Variants in JMJD1C observed in about 807,000 individuals in gnomAD.
The protein encoded by JMJD1C is jumonji domain-containing protein 1C.
JMJD1C carries 31 observed loss-of-function variants against 245.3 expected under a neutral mutation model. The ratio of observed to expected loss-of-function variants is 0.13; its 90% CI spans 0.09 to 0.17. The LOEUF (loss-of-function observed/expected upper bound fraction) is 0.17, where lower values mean the gene tolerates loss of function less well. Among genes scored for constraint, JMJD1C ranks in the 10% least tolerant of loss-of-function variants. The pLI is 1.00. For missense variants in JMJD1C, 2,691 were observed against 3,000.2 expected (o/e 0.90, Z 2.41); for synonymous variants, 1,057 against 1,017.4 (o/e 1.04, Z -0.74).
At chr10:63,459,135 G>A (rs1952615883) in intron 1 of JMJD1C, among the ~76,000 whole-genome samples, 1 of 152,138 alleles carries the variant, frequency 6.6e-6, no homozygotes, top group Non-Finnish European at 1.5e-5. Context: ...ATCTCTGAAG[G>A]ATTTAGAACA....
intron 1 of JMJD1C, among the ~76,000 whole-genome samples, chr10:63,423,536 CT>C (rs1171161501): frequency 1.3e-5 from 2 of 152,212 alleles, no homozygotes; most frequent in East Asian, 3.8e-4. Flanking sequence ...AGCCACCTCA[CT>C]TTATTTATCA....
At chr10:63,425,712 G>A (rs1405162381) in intron 1 of JMJD1C, among the ~76,000 whole-genome samples, 2 of 152,164 alleles carry the variant, frequency 1.3e-5, no homozygotes, top group Non-Finnish European at 2.9e-5. Flanking sequence ...GGCCCAGGAG[G>A]AGAAGGTGGC....
Position 63,420,759 on chromosome 10 carries a change from G to A in JMJD1C, c.169-40277C>T, listed in dbSNP as rs542117463. On this transcript the variant is annotated intron_variant, in intron 1 of 25. Coordinates refer to ENST00000399262, the MANE Select transcript of JMJD1C (RefSeq NM_032776.3). The stretch of plus-strand genomic sequence containing the variant: ...AAGGAGGCTGGGAAAGAAAGAATTA[G>A]TTAAGAACACCTGACAAAATTAGAA... 9.0e-5 allele frequency among the ~76,000 whole-genome samples: 13 copies of A among 144,438 alleles called. No individual in the cohort carries two copies. The South Asian group carries it at 1.1e-3, about 12-fold the overall frequency. The allele number at this position is 144,438 out of a possible 152,430, so 94.8% of individuals were successfully genotyped here. A position where few individuals can be genotyped will look rare whatever the true frequency, so the allele number is the denominator to read the frequency against.
At chr10:63,277,727 A>ATTTTTTTTTTTTTTT (rs1389505532) in intron 2 of JMJD1C, among the ~76,000 whole-genome samples, 6 of 83,166 alleles carry the variant, frequency 7.2e-5, no homozygotes, top group African/African-American at 3.2e-4. Flanking sequence ...AGTAATTTGC[A>ATTTTTTTTTTTTTTT]TTTCTTTTTT....
intron 22 of JMJD1C, 117 bp from the exon 23 acceptor site, chr10:63,177,973 T>C (rs1843011375): frequency 9.2e-7 from 1 of 1,086,172 alleles, no homozygotes; most frequent in Admixed American, 2.8e-5. Flanking sequence ...CTTTTTCTTT[T>C]TTGGTCACCC....
chr10:63,331,717 A>G (rs574114031), intron 2 of JMJD1C, among the ~76,000 whole-genome samples: 7 of 152,300 alleles, frequency 4.6e-5, no homozygotes, highest in African/African-American at 1.7e-4. Context: ...GGTTCAAGTG[A>G]TTCTCATGCC....
intron 1 of JMJD1C, among the ~76,000 whole-genome samples, chr10:63,435,732 T>C (rs1951023657): frequency 6.6e-6 from 1 of 152,124 alleles, no homozygotes; most frequent in South Asian, 2.1e-4. Context: ...AAACACCATC[T>C]CTATTAAAAG....
At chr10:63,217,353 A>G in intron 4 of JMJD1C, 22 bp from the exon 5 acceptor site, 9 of 1,540,846 alleles carry the variant, frequency 5.8e-6, no homozygotes, top group Non-Finnish European at 7.9e-6. Context: ...CACAAGAAAC[A>G]GAAACATCTT....
At chr10:63,211,393 G>A (rs1212880564) in intron 8 of JMJD1C, among the ~76,000 whole-genome samples, 1 of 151,668 alleles carries the variant, frequency 6.6e-6, no homozygotes, top group African/African-American at 2.4e-5. Flanking sequence ...TTGAACCCGG[G>A]AGGCAGAGGT....
chr10:63,507,371 C>T (rs1025643077), intron 1 of JMJD1C, among the ~76,000 whole-genome samples: 14 of 152,000 alleles, frequency 9.2e-5, no homozygotes, highest in African/African-American at 1.2e-4. Context: ...CAGCCGGGTA[C>T]GATGGCTCAT....
chr10:63,320,760 T>C (rs749329211), intron 2 of JMJD1C, among the ~76,000 whole-genome samples: 6 of 152,218 alleles, frequency 3.9e-5, no homozygotes, highest in Non-Finnish European at 7.3e-5. Flanking sequence ...TATTTGTCCT[T>C]TGACTCCTGG....
intron 2 of JMJD1C, among the ~76,000 whole-genome samples, chr10:63,334,425 G>C (rs776240916): frequency 2.6e-5 from 4 of 152,058 alleles, no homozygotes; most frequent in Non-Finnish European, 5.9e-5. Context: ...CAGAGATTTT[G>C]GAGTTTTAAA....
chr10:63,374,504 G>A (rs941422692), intron 2 of JMJD1C, among the ~76,000 whole-genome samples: 1 of 152,170 alleles, frequency 6.6e-6, no homozygotes, highest in African/African-American at 2.4e-5. Context: ...ATGGCAGTCA[G>A]TACAACCTTT....
In JMJD1C at chr10:63,392,468, G is replaced by A. The variant is rs557478383; in HGVS notation, c.169-11986C>T. ...AGAAAGTATTTGCAAGCTACTCATC[G>A]CACAAGTGACTAATAATTCAGAATA... On this transcript the variant is annotated intron_variant, in intron 1 of 25. Coordinates refer to ENST00000399262, the MANE Select transcript of JMJD1C (RefSeq NM_032776.3). Among the ~76,000 whole-genome samples, 7 of 152,154 alleles carry A rather than the reference G, an allele frequency of 4.6e-5. No individual in the cohort carries two copies. The East Asian group carries it at 5.8e-4, about 13-fold the overall frequency.
chr10:63,269,756 A>T (rs1856056097), intron 2 of JMJD1C, among the ~76,000 whole-genome samples: 1 of 152,220 alleles, frequency 6.6e-6, no homozygotes, highest in Admixed American at 6.5e-5. Context: ...CACTCATTAC[A>T]AAAAACAACT....
intron 1 of JMJD1C, among the ~76,000 whole-genome samples, chr10:63,510,310 GATCTTTC>G (rs1157586141): frequency 6.6e-6 from 1 of 152,014 alleles, no homozygotes; most frequent in African/African-American, 2.4e-5. Context: ...GCCAATTTTG[GATCTTTC>G]ATCTTTTCTA....
chr10:63,371,802 T>C (rs1163889519), intron 2 of JMJD1C, among the ~76,000 whole-genome samples: 1 of 152,200 alleles, frequency 6.6e-6, no homozygotes, highest in Non-Finnish European at 1.5e-5. Flanking sequence ...TATTTTATTA[T>C]GTATAATTTG....
intron 1 of JMJD1C, among the ~76,000 whole-genome samples, chr10:63,449,203 T>A (rs1338283178): frequency 2.0e-5 from 3 of 152,176 alleles, no homozygotes; most frequent in African/African-American, 7.2e-5. Context: ...CACTAAAATG[T>A]TTTTAAATCT....
At chr10:63,344,901 A>G (rs750746869) in intron 2 of JMJD1C, among the ~76,000 whole-genome samples, 4 of 152,326 alleles carry the variant, frequency 2.6e-5, no homozygotes, top group Non-Finnish European at 4.4e-5. Flanking sequence ...ATGCAGATCA[A>G]CTGGAACTCT....
Sources: gnomAD v4.1 joint callset for allele counts (sites outside exome capture counted in the v4.1 genomes callset) on GRCh38, gnomAD v4.1.1 for gene constraint, MANE v1.5 for transcripts, NCBI Gene and HGNC (gene_info 2026-07-23, HGNC 2026-07-21) for gene names.